Variants in MTRFR observed in about 807,000 individuals in gnomAD.
MTRFR encodes the protein probable peptide chain release factor C12orf65, mitochondrial.
A neutral mutation model predicts 11.9 loss-of-function variants in MTRFR; 10 were observed. The observed-to-expected ratio is 0.84, with a 90% CI of 0.52 to 1.42. The LOEUF (loss-of-function observed/expected upper bound fraction) is 1.42, where lower values mean the gene tolerates loss of function less well. Among genes scored for constraint, MTRFR ranks in the 40% most tolerant of loss-of-function variants. The probability of loss-of-function intolerance (pLI) is 0.00; values close to 1 mark genes in which losing one functional copy is unlikely to be tolerated. For synonymous variants in MTRFR, 77 were observed against 79.1 expected (o/e 0.97, Z 0.14); for missense variants, 196 against 197.9 (o/e 0.99, Z 0.06).
chr12:123,249,711 G>A (rs1293608643), intron 1 of MTRFR: 1 of 152,472 alleles, frequency 6.6e-6, no homozygotes, highest in Non-Finnish European at 1.5e-5. Flanking sequence ...AGTCCAGAGA[G>A]GGGCTTCCAC....
intron 2 of MTRFR, among the ~76,000 whole-genome samples, chr12:123,255,885 C>G (rs1164287188): frequency 6.6e-6 from 1 of 152,166 alleles, no homozygotes; most frequent in Non-Finnish European, 1.5e-5. Flanking sequence ...TCTTGGCCTC[C>G]AAAGTGCTAG....
At chr12:123,246,571 A>G (rs2048043457) in intron 1 of MTRFR, among the ~76,000 whole-genome samples, 1 of 151,826 alleles carries the variant, frequency 6.6e-6, no homozygotes, top group South Asian at 2.1e-4. Context: ...CTCCTGCCTC[A>G]GTCTCCCAAG....
rs549146111 is a variant in MTRFR at position 123,250,939 on chromosome 12, A to C, written c.-28-2708A>C. Reference sequence around the variant, plus strand: ...CCTTTGTCTTCCTGCCAGGGTGCATAGGGAAGGACCATCAGGTGGGGGTGG... The same window carrying C: ...CCTTTGTCTTCCTGCCAGGGTGCATCGGGAAGGACCATCAGGTGGGGGTGG... On this transcript the variant is annotated intron_variant, in intron 1 of 2. Transcript: ENST00000253233. 7.2e-5 allele frequency: 11 copies of C among 152,286 alleles called. No homozygotes were observed. The South Asian group carries it at 2.3e-3, about 32-fold the overall frequency. The allele number at this position is 152,286 out of a possible 1,614,324, so 9.4% of individuals were successfully genotyped here.
chr12:123,254,969 C>G (rs2048167548), intron 2 of MTRFR: 1 of 152,104 alleles, frequency 6.6e-6, no homozygotes, highest in African/African-American at 2.4e-5. Context: ...AGAGGGGCTC[C>G]CAGTCCATCT....
chr12:123,251,279 G>C (rs1316392137), intron 1 of MTRFR: 1 of 152,302 alleles, frequency 6.6e-6, no homozygotes, highest in African/African-American at 2.4e-5. Flanking sequence ...AGCAGCGAAA[G>C]AAAAGGGCTG....
intron 1 of MTRFR, among the ~76,000 whole-genome samples, chr12:123,236,306 C>T (rs1019324974): frequency 6.6e-6 from 1 of 151,890 alleles, no homozygotes; most frequent in Non-Finnish European, 1.5e-5. Flanking sequence ...TTTGAAAGTG[C>T]TTTGCAGCTG....
chr12:123,245,075 A>G (rs2138769564), intron 1 of MTRFR, among the ~76,000 whole-genome samples: 1 of 150,386 alleles, frequency 6.6e-6, no homozygotes, highest in African/African-American at 2.5e-5. Flanking sequence ...CAGCCTCCCG[A>G]GTAGCTGGGA....
At chr12:123,240,588 T>A (rs1300880703) in intron 1 of MTRFR, 1 of 149,900 alleles carries the variant, frequency 6.7e-6, no homozygotes, top group African/African-American at 2.5e-5. Context: ...AAGTTGTAGC[T>A]AAGGTAAACT....
At chr12:123,235,634 G>C (rs374563035) in intron 1 of MTRFR, among the ~76,000 whole-genome samples, 1 of 149,714 alleles carries the variant, frequency 6.7e-6, no homozygotes, top group Admixed American at 6.7e-5. Context: ...GGCCTCCCAC[G>C]GTGCTGGGAT....
chr12:123,233,218 G>C (rs2047751377), upstream of MTRFR: 1 of 152,270 alleles, frequency 6.6e-6, no homozygotes, highest in African/African-American at 2.4e-5. Flanking sequence ...TGGCGCGCGC[G>C]TCCACCTCGC....
At position 123,244,840 on chromosome 12, in the gene MTRFR, T is replaced by G. The variant is rs376907760; in HGVS notation, c.-28-8807T>G. On this transcript the variant is annotated intron_variant, in intron 1 of 2. Transcript: ENST00000253233. ...TAGAGATGGGGTTTCACCATGTTGG[T>G]CAGGCTGGTCTCGAACTCCTGACCT... Among the ~76,000 whole-genome samples the G allele has an allele frequency of 3.4e-3, 517 of 150,124 alleles. 1 individual carries two copies. The highest frequency in any genetic ancestry group is 0.012 in the African/African-American group (500 of 40,708).
Position 123,253,800 on chromosome 12 carries a change from G to A in MTRFR, c.126G>A (p.Gln42=). The A allele has an allele frequency of 1.2e-6, 2 of 1,614,170 alleles. No homozygotes were observed. The highest frequency in any genetic ancestry group is 1.7e-6 in the Non-Finnish European group (2 of 1,180,030). Residue 42 remains glutamine (Q), a synonymous_variant, in exon 2 of 3, where the codon CAG becomes CAA. Coordinates refer to ENST00000253233, the MANE Select transcript of MTRFR (RefSeq NM_152269.5). ...CAGGAATAGCTGTCACTCCGGTCCA[G>A]ATGGCAGGCAAGAAGGACTACCCTG... ...LSPGIAVTPV[Q]MAGKKDYPAL... is the part of the protein sequence containing the mutation.
intron 1 of MTRFR, among the ~76,000 whole-genome samples, chr12:123,234,333 G>A (rs1293271886): frequency 1.3e-5 from 2 of 149,118 alleles, no homozygotes; most frequent in South Asian, 2.1e-4. Flanking sequence ...GCCAGGAGGC[G>A]TTACATCTCA....
chr12:123,257,049 C>T lies in MTRFR; in HGVS notation c.*18C>T, dbSNP rs1463419246. ...TCCACTGAGAAAAGAATTAGAGATTCCAACTGACAGAATCTGCCAGAAGCT... is the reference window on the plus strand; with the variant it reads ...TCCACTGAGAAAAGAATTAGAGATTTCAACTGACAGAATCTGCCAGAAGCT... On this transcript the variant is annotated 3_prime_UTR_variant, in exon 3 of 3. Coordinates refer to ENST00000253233, the MANE Select transcript of MTRFR (RefSeq NM_152269.5). The T allele has an allele frequency of 1.3e-6, 2 of 1,588,432 alleles. No homozygotes were observed. Among genetic ancestry groups the T allele is most frequent in the African/African-American group, 2.7e-5 (2 of 74,256 alleles).
intron 1 of MTRFR, among the ~76,000 whole-genome samples, chr12:123,245,188 G>A (rs1454298038): frequency 1.3e-5 from 2 of 149,336 alleles, no homozygotes; most frequent in Non-Finnish European, 3.0e-5. Flanking sequence ...CACCCTCCTC[G>A]GCCTCCCAAA....
At chr12:123,251,802 T>C (rs995443598) in intron 1 of MTRFR, among the ~76,000 whole-genome samples, 4 of 152,190 alleles carry the variant, frequency 2.6e-5, no homozygotes, top group Non-Finnish European at 4.4e-5. Context: ...AATGCAAGCC[T>C]CTGCATGCTG....
intron 2 of MTRFR, among the ~76,000 whole-genome samples, chr12:123,256,249 C>T (rs1050412936): frequency 6.6e-6 from 1 of 152,184 alleles, no homozygotes; most frequent in Admixed American, 6.5e-5. Flanking sequence ...CTAGATACAT[C>T]AGTTGATACT....
At chr12:123,255,071 C>CT (rs1361064219) in intron 2 of MTRFR, 1 of 152,196 alleles carries the variant, frequency 6.6e-6, no homozygotes, top group Non-Finnish European at 1.5e-5. Flanking sequence ...GCAGCAGATA[C>CT]TTACAGGTCA....
chr12:123,246,906 T>C (rs1304296992), intron 1 of MTRFR, among the ~76,000 whole-genome samples: 1 of 151,718 alleles, frequency 6.6e-6, no homozygotes, highest in Non-Finnish European at 1.5e-5. Flanking sequence ...AATTTTTGTA[T>C]TTTTAGTAGA....
Sources: gnomAD v4.1 joint callset for allele counts (sites outside exome capture counted in the v4.1 genomes callset) on GRCh38, gnomAD v4.1.1 for gene constraint, MANE v1.5 for transcripts, NCBI Gene and HGNC (gene_info 2026-07-23, HGNC 2026-07-21) for gene names.